The following VPS16 variants were observed in gnomAD, a reference collection of about 807,000 sequenced individuals.
VPS16 encodes VPS16 core subunit of CORVET and HOPS complexes.
In VPS16, 82 loss-of-function variants were observed where a neutral mutation model predicts 116.0. That is an observed-to-expected ratio of 0.71 (90% CI 0.59 to 0.85). VPS16 has a LOEUF of 0.85. Ranked by LOEUF, VPS16 falls within the 40% of genes least tolerant of loss-of-function variation. The pLI, the probability that VPS16 is intolerant of heterozygous loss-of-function variation, is 0.00. For missense variants in VPS16, 928 were observed against 1,090.6 expected (o/e 0.85, Z 2.10); for synonymous variants, 406 against 420.7 (o/e 0.96, Z 0.43).
At chr20:2,847,784 CT>C (rs2146646836) in intron 1 of VPS16, among the ~76,000 whole-genome samples, 1 of 152,148 alleles carries the variant, frequency 6.6e-6, no homozygotes, top group African/African-American at 2.4e-5. Flanking sequence ...GCCCCGCCCC[CT>C]CTCTTACCAT....
chr20:2,863,207 G>C lies in VPS16; in HGVS notation c.1368-83G>C. ...CTCCTGACCTATCTAGGATGTGGGA[G>C]GCCTGATGTGCAGGCTGAGGCCACT... On this transcript the variant is annotated intron_variant, in intron 14 of 23. Transcript: ENST00000380445. The surrounding 1 kb of genome is among the most constrained non-coding windows in gnomAD (Gnocchi z 4.4). The C allele has an allele frequency of 6.2e-7, 1 of 1,609,674 alleles. No individual in the cohort carries two copies. The highest frequency in any genetic ancestry group is 2.2e-5 in the East Asian group (1 of 44,850).
chr20:2,862,820 G>A lies in VPS16; in HGVS notation c.1217G>A (p.Gly406Glu), dbSNP rs1385373426. ...QKSLLRAASF[G>E]KCFLDRFPPD... ...GGCTCTTCTCAGGCCGCCTCCTTCG[G>A]AAAGTGTTTCCTGGACAGATTTCCA... is the stretch of plus-strand genomic sequence containing the variant. The change falls in exon 13 of 24, where the codon GGA becomes GAA. Residue 406 changes from glycine (G) to glutamate (E), a missense_variant. By Grantham distance (98) the Gly-to-Glu change is moderately conservative. Coordinates refer to ENST00000380445, the MANE Select transcript of VPS16 (RefSeq NM_022575.4). 6.2e-7 allele frequency: 1 copy of A among 1,614,054 alleles called. No individual in the cohort carries two copies. Among genetic ancestry groups the A allele is most frequent in the Admixed American group, 1.7e-5 (1 of 60,026 alleles).
At chr20:2,848,611 A>C (rs1599977300) in intron 1 of VPS16, among the ~76,000 whole-genome samples, 1 of 152,220 alleles carries the variant, frequency 6.6e-6, no homozygotes, top group South Asian at 2.1e-4. Context: ...CCAAGTTGTC[A>C]GTAAATTTAG....
intron 1 of VPS16, among the ~76,000 whole-genome samples, chr20:2,856,194 A>AAG (rs150683763): frequency 1.9e-4 from 29 of 150,068 alleles, no homozygotes; most frequent in East Asian, 5.8e-4. Context: ...GGAAGGCCTG[A>AAG]AGAGAGAGAG....
chr20:2,855,866 T>G (rs2089167168), intron 1 of VPS16, among the ~76,000 whole-genome samples: 1 of 152,258 alleles, frequency 6.6e-6, no homozygotes, highest in African/African-American at 2.4e-5. Flanking sequence ...CCTAAGGGAA[T>G]GTTGTGATCT....
At position 2,865,039 on chromosome 20, in the gene VPS16, A is replaced by AG; in HGVS notation, c.1988_1989insG (p.Asn663LysfsTer2). ...GCCGATGCCTTCTACAAGGCCAAGA[A>AG]TGAGTTTGCAGCCAAGGTTTGGCCC... On this transcript the variant is annotated frameshift_variant, in exon 20 of 24. Coordinates refer to ENST00000380445, the MANE Select transcript of VPS16 (RefSeq NM_022575.4). LOFTEE classifies it high-confidence loss of function. The surrounding 1 kb of genome is among the most constrained non-coding windows in gnomAD (Gnocchi z 5.2). 1 of 1,614,198 alleles carries AG rather than the reference A, an allele frequency of 6.2e-7. No homozygotes were observed. The highest frequency in any genetic ancestry group is 8.5e-7 in the Non-Finnish European group (1 of 1,180,024).
rs941805063 is a variant in VPS16, at chr20:2,866,508, G to A, written c.2454G>A (p.Thr818=). 1.4e-5 allele frequency: 23 copies of A among 1,614,082 alleles called. No individual in the cohort carries two copies. The highest frequency in any genetic ancestry group is 1.0e-4 in the Admixed American group (6 of 60,004). ...AELSLVLSHC[T]GATDGATADK... Reference sequence around the variant, plus strand: ...TGAGCCTCGTATTGTCCCACTGCACGGGAGCCACAGATGGGGCCACAGCTG... The same window carrying A: ...TGAGCCTCGTATTGTCCCACTGCACAGGAGCCACAGATGGGGCCACAGCTG... The change falls in exon 24 of 24, where the codon ACG becomes ACA. Residue 818 remains threonine, a synonymous_variant. Transcript: ENST00000380445.
At chr20:2,847,669 A>G (rs1011857035) in intron 1 of VPS16, among the ~76,000 whole-genome samples, 24 of 151,800 alleles carry the variant, frequency 1.6e-4, no homozygotes, top group African/African-American at 5.3e-4. Context: ...AGTAGAGACG[A>G]GGTTTCACCA....
At chr20:2,862,028 C>T in intron 10 of VPS16, 26 bp from the exon 11 acceptor site, 1 of 1,612,684 alleles carries the variant, frequency 6.2e-7, no homozygotes, top group East Asian at 2.2e-5. Flanking sequence ...TGCCTTTCTC[C>T]CTCACTCACC....
chr20:2,866,361 G>A, intron 23 of VPS16, 46 bp downstream of exon 23: 1 of 1,614,116 alleles, frequency 6.2e-7, no homozygotes. Flanking sequence ...TGAGCTGTGG[G>A]CTGGTGAGAG....
rs771232673 is a variant in VPS16, at chr20:2,860,952, A to G, written c.631-18A>G. 6.2e-7 allele frequency: 1 copy of G among 1,614,010 alleles called. No homozygotes were observed. Among genetic ancestry groups the G allele is most frequent in the Non-Finnish European group, 8.5e-7 (1 of 1,180,028 alleles). The stretch of plus-strand genomic sequence containing the variant: ...GTCAGTATGTATCTGTCCCACCCCT[A>G]CCCTGGCTCTGCCTCAGACGCCCCC... On this transcript the variant is annotated intron_variant, in intron 6 of 23. Transcript: ENST00000380445. The surrounding 1 kb of genome is among the most constrained non-coding windows in gnomAD (Gnocchi z 6.1).
In VPS16 at chr20:2,854,564, C is replaced by T. The variant is rs1256894877; in HGVS notation, c.54-5155C>T. ...ATCCCAACACTTTGGGAGGCTGAGG[C>T]AGGCGAATCACTTGAGGTCAGGAGT... On this transcript the variant is annotated intron_variant, in intron 1 of 23. Coordinates refer to ENST00000380445, the MANE Select transcript of VPS16 (RefSeq NM_022575.4). Among the ~76,000 whole-genome samples, 3 of 151,956 alleles carry T rather than the reference C, an allele frequency of 2.0e-5. No individual in the cohort carries two copies. In the East Asian group the frequency reaches 5.8e-4, roughly 29 times the overall value.
At chr20:2,842,241 G>A (rs893014676) in intron 1 of VPS16, among the ~76,000 whole-genome samples, 1 of 152,152 alleles carries the variant, frequency 6.6e-6, no homozygotes, top group South Asian at 2.1e-4. Context: ...GTTTGAGGGT[G>A]TAGGGACCGA....
rs1555668 is a variant in VPS16 at position 2,866,731 on chromosome 20, C to T, written c.*157C>T. On this transcript the variant is annotated 3_prime_UTR_variant, in exon 24 of 24. Transcript: ENST00000380445. ...GGTTTTAAATAAAGTTGGAACACTT[C>T]ACAGTGCTTGTCTTACACAGTCCAG... is the stretch of plus-strand genomic sequence containing the variant. The T allele has an allele frequency of 0.015, 16,462 of 1,123,414 alleles. 596 individuals carry two copies. The highest frequency in any genetic ancestry group is 0.12 in the Admixed American group (4,325 of 36,730). 69.6% of individuals were successfully genotyped at this position (1,123,414 alleles called of 1,614,324 possible).
At chr20:2,859,905 C>A in intron 2 of VPS16, 98 bp downstream of exon 2, 2 of 1,466,044 alleles carry the variant, frequency 1.4e-6, no homozygotes, top group Admixed American at 1.8e-5. Flanking sequence ...CTTGTTGCCA[C>A]CCCCCACTCA....
chr20:2,845,639 A>G (rs1259628608), intron 1 of VPS16, among the ~76,000 whole-genome samples: 1 of 152,082 alleles, frequency 6.6e-6, no homozygotes, highest in Non-Finnish European at 1.5e-5. Context: ...ATGATATAAA[A>G]TTTACTCTCT....
chr20:2,866,015 TG>T, intron 22 of VPS16, 196 bp from the exon 23 acceptor site: 4 of 599,638 alleles, frequency 6.7e-6, no homozygotes, highest in Non-Finnish European at 1.2e-5. Context: ...GACAGAGCTT[TG>T]GTTTAGGTGA....
At chr20:2,850,629 GAAAAGA>G (rs981944109) in intron 1 of VPS16, among the ~76,000 whole-genome samples, 7 of 151,660 alleles carry the variant, frequency 4.6e-5, no homozygotes, top group African/African-American at 1.2e-4. Flanking sequence ...CATCTCCAAA[GAAAAGA>G]AAAAGAAAAA....
intron 2 of VPS16, 97 bp downstream of exon 2, chr20:2,859,904 A>AC (rs1387230469): frequency 1.0e-5 from 15 of 1,475,538 alleles, no homozygotes; most frequent in Admixed American, 3.7e-5. Context: ...TCTTGTTGCC[A>AC]CCCCCCACTC....
Sources: allele counts gnomAD v4.1 joint callset (sites outside exome capture counted in the v4.1 genomes callset), GRCh38; gene constraint gnomAD v4.1.1; non-coding constraint Gnocchi (gnomAD v3.1); transcripts MANE v1.5; gene names NCBI Gene and HGNC (gene_info 2026-07-23, HGNC 2026-07-21).